Variants in MAF observed in about 807,000 individuals in gnomAD.
MAF encodes transcription factor Maf.
Under a neutral mutation model 22.0 loss-of-function variants are expected in MAF, and 10 were observed. The observed-to-expected ratio is 0.45, with a 90% CI of 0.28 to 0.77. MAF has a LOEUF of 0.77. Among genes scored for constraint, MAF ranks in the 30% least tolerant of loss-of-function variants. The pLI is 0.12. For missense variants in MAF, 544 were observed against 548.4 expected, an observed-to-expected ratio of 0.99 and a Z score of 0.08; for synonymous variants, 337 against 255.8, an observed-to-expected ratio of 1.32 and a Z score of -3.03.
the MAF span, among the ~76,000 whole-genome samples, chr16:79,232,332 A>G: frequency 6.6e-6 from 1 of 152,114 alleles, no homozygotes; most frequent in Non-Finnish European, 1.5e-5. Flanking sequence ...TCTTACCTTC[A>G]CATGTAAACA....
the MAF span, among the ~76,000 whole-genome samples, chr16:79,522,876 T>G: frequency 6.6e-6 from 1 of 152,146 alleles, no homozygotes; most frequent in Non-Finnish European, 1.5e-5. Context: ...CACCATGCAG[T>G]TGGAGAACTC....
At chr16:79,303,729 T>C in the MAF span, among the ~76,000 whole-genome samples, 2 of 152,186 alleles carry the variant, frequency 1.3e-5, no homozygotes, top group Non-Finnish European at 1.5e-5. Context: ...AGTGCTATAA[T>C]TGGTTATCAG....
chr16:79,367,652 A>C, the MAF span, among the ~76,000 whole-genome samples: 1 of 152,186 alleles, frequency 6.6e-6, no homozygotes, highest in African/African-American at 2.4e-5. Context: ...GTGACTACTG[A>C]GCACTGGAAA....
chr16:79,229,140 C>T, the MAF span, among the ~76,000 whole-genome samples: 1 of 151,650 alleles, frequency 6.6e-6, no homozygotes, highest in South Asian at 2.1e-4. Context: ...AACATAGACC[C>T]CCCCCAACAC....
At chr16:79,594,631 C>T (rs915016241) in intron 1 of MAF, 78 bp from the exon 2 acceptor site, 2 of 1,499,754 alleles carry the variant, frequency 1.3e-6, no homozygotes, top group African/African-American at 1.6e-5. Flanking sequence ...GCTAGATTTC[C>T]TCATATGATT....
chr16:79,371,451 T>C, the MAF span, among the ~76,000 whole-genome samples: 1 of 152,164 alleles, frequency 6.6e-6, no homozygotes, highest in Non-Finnish European at 1.5e-5. Flanking sequence ...CTTGCCACAC[T>C]ACCACTCTCA....
the MAF span, among the ~76,000 whole-genome samples, chr16:79,575,022 ATTTT>A: frequency 7.0e-6 from 1 of 143,626 alleles, no homozygotes; most frequent in South Asian, 2.3e-4. Context: ...ATCACTGGGA[ATTTT>A]TTTTTTTTTT....
At chr16:79,447,815 G>T in the MAF span, among the ~76,000 whole-genome samples, 1 of 149,548 alleles carries the variant, frequency 6.7e-6, no homozygotes, top group African/African-American at 2.5e-5. Context: ...AATCGCTTGA[G>T]CCCAGGAGGT....
the MAF span, among the ~76,000 whole-genome samples, chr16:79,459,997 A>T: frequency 1.3e-5 from 2 of 152,124 alleles, no homozygotes; most frequent in African/African-American, 2.4e-5. Context: ...TAAAATATTC[A>T]TCCCTTTCAC....
At chr16:79,453,238 G>A in the MAF span, among the ~76,000 whole-genome samples, 1 of 152,004 alleles carries the variant, frequency 6.6e-6, no homozygotes, top group East Asian at 1.9e-4. Flanking sequence ...AGCAATAATG[G>A]TGTCCTTAGG....
At chr16:79,267,819 G>T in the MAF span, among the ~76,000 whole-genome samples, 1 of 152,168 alleles carries the variant, frequency 6.6e-6, no homozygotes, top group Non-Finnish European at 1.5e-5. Context: ...ACAAGGGTCT[G>T]GAGGGAGCTT....
chr16:79,486,504 G>A, the MAF span, among the ~76,000 whole-genome samples: 2 of 152,122 alleles, frequency 1.3e-5, no homozygotes, highest in Non-Finnish European at 2.9e-5. Flanking sequence ...ATATCACCCT[G>A]ATTTCAGTAC....
At chr16:79,346,515 C>A in the MAF span, among the ~76,000 whole-genome samples, 1 of 152,074 alleles carries the variant, frequency 6.6e-6, no homozygotes, top group Non-Finnish European at 1.5e-5. Context: ...AAAAAAAAAC[C>A]TTTCTCTTTC....
At chr16:79,478,548 T>C in the MAF span, among the ~76,000 whole-genome samples, 1 of 152,166 alleles carries the variant, frequency 6.6e-6, no homozygotes, top group Non-Finnish European at 1.5e-5. Flanking sequence ...AGAGTCTATT[T>C]TGACTCTTTA....
chr16:79,373,359 C>CTTTTTTTTTTTTTTTTTTT, the MAF span, among the ~76,000 whole-genome samples: 1 of 33,326 alleles, frequency 3.0e-5, no homozygotes, highest in African/African-American at 9.5e-5. Flanking sequence ...GGACTGGTAG[C>CTTTTTTTTTTTTTTTTTTT]TTTTTTTTTT....
At chr16:79,495,899 T>G in the MAF span, among the ~76,000 whole-genome samples, 1 of 152,206 alleles carries the variant, frequency 6.6e-6, no homozygotes, top group Admixed American at 6.5e-5. Context: ...TCTGCCTTTA[T>G]GGAGTTTCTA....
chr16:79,461,933 T>G, the MAF span, among the ~76,000 whole-genome samples: 4 of 152,200 alleles, frequency 2.6e-5, no homozygotes, highest in Admixed American at 2.6e-4. Context: ...AATAGGAGGT[T>G]GGAGGACAAC....
At chr16:79,309,279 T>G in the MAF span, among the ~76,000 whole-genome samples, 1 of 152,214 alleles carries the variant, frequency 6.6e-6, no homozygotes. Flanking sequence ...GACCAGCTGC[T>G]TGCAAGCGCC....
the MAF span, among the ~76,000 whole-genome samples, chr16:79,369,907 G>A: frequency 6.6e-6 from 1 of 152,188 alleles, no homozygotes; most frequent in African/African-American, 2.4e-5. Context: ...CCAAACACCA[G>A]GCCTCCAAAT....
Sources: allele counts gnomAD v4.1 joint callset (sites outside exome capture counted in the v4.1 genomes callset), GRCh38; gene constraint gnomAD v4.1.1; transcripts MANE v1.5; gene names NCBI Gene and HGNC (gene_info 2026-07-23, HGNC 2026-07-21).